GXYLT1: variants seen among roughly 807,000 people sequenced by gnomAD.
GXYLT1 encodes the protein glucoside xylosyltransferase 1.
Under a neutral mutation model 54.0 loss-of-function variants are expected in GXYLT1, and 29 were observed. The observed-to-expected ratio is 0.54, with a 90% CI of 0.40 to 0.73. GXYLT1 has a LOEUF of 0.73. Among genes scored for constraint, GXYLT1 ranks in the 30% least tolerant of loss-of-function variants. The pLI, the probability that GXYLT1 is intolerant of heterozygous loss-of-function variation, is 0.00. For synonymous variants in GXYLT1, 176 were observed against 204.1 expected (o/e 0.86, Z 1.17); for missense variants, 490 against 553.4 (o/e 0.89, Z 1.15).
chr12:42,103,963 A>C (rs1371393409), intron 5 of GXYLT1, among the ~76,000 whole-genome samples: 1 of 152,162 alleles, frequency 6.6e-6, no homozygotes, highest in African/African-American at 2.4e-5. Context: ...AAAACAGTAA[A>C]TCTGGCCAAG....
At chr12:42,103,985 A>G (rs1446199083) in intron 5 of GXYLT1, among the ~76,000 whole-genome samples, 1 of 152,204 alleles carries the variant, frequency 6.6e-6, no homozygotes, top group Admixed American at 6.5e-5. Flanking sequence ...GCAGTGGCTC[A>G]CGCCTATAAA....
chr12:42,108,106 A>C (rs1300059159), intron 4 of GXYLT1, among the ~76,000 whole-genome samples: 3 of 152,254 alleles, frequency 2.0e-5, no homozygotes, highest in African/African-American at 7.2e-5. Flanking sequence ...GTATGAGGTC[A>C]ATTTGACAGG....
At chr12:42,115,767 T>C (rs562330199) in intron 3 of GXYLT1, among the ~76,000 whole-genome samples, 1,700 of 151,972 alleles carry the variant, frequency 0.011, 30 homozygotes, top group African/African-American at 0.038. Flanking sequence ...CTTCACAGAA[T>C]TGGAAAAACT....
chr12:42,144,654 G>C lies in GXYLT1; in HGVS notation c.-8C>G. 7.3e-7 allele frequency: 1 copy of C among 1,360,634 alleles called. No individual in the cohort carries two copies. The highest frequency in any genetic ancestry group is 9.8e-7 in the Non-Finnish European group (1 of 1,024,852). The allele number at this position is 1,360,634 out of a possible 1,614,324, so 84.3% of individuals were successfully genotyped here. ...GCGCAGGTAGCGCCGCATCGCCCCG[G>C]CCGCGCTCCTCCTTCGCCGCCGCCG... On this transcript the variant is annotated 5_prime_UTR_variant, in exon 1 of 8. Coordinates refer to ENST00000398675, the MANE Select transcript of GXYLT1 (RefSeq NM_173601.2).
intron 1 of GXYLT1, among the ~76,000 whole-genome samples, chr12:42,137,065 GTTGTACTT>G (rs1477178511): frequency 6.6e-6 from 1 of 152,070 alleles, no homozygotes; most frequent in African/African-American, 2.4e-5. Context: ...ACCATGCCTG[GTTGTACTT>G]TTAAGTTAAA....
rs2065567244 is a variant in GXYLT1 at position 42,127,086 on chromosome 12, T to A, written c.314+2673A>T. On this transcript the variant is annotated intron_variant, in intron 2 of 7. Coordinates refer to ENST00000398675, the MANE Select transcript of GXYLT1 (RefSeq NM_173601.2). ...TCAAAGTTATACAAATAATTCAAGT[T>A]GGGAAAGTAAGGTACCCAACTAAGG... Among the ~76,000 whole-genome samples, 3 of 152,170 alleles carry A rather than the reference T, an allele frequency of 2.0e-5. No individual in the cohort carries two copies. The South Asian group carries it at 6.2e-4, about 32-fold the overall frequency.
At chr12:42,114,301 G>T (rs191071945) in intron 3 of GXYLT1, among the ~76,000 whole-genome samples, 1 of 152,136 alleles carries the variant, frequency 6.6e-6, no homozygotes, top group Non-Finnish European at 1.5e-5. Context: ...GAAGGAAACA[G>T]AGACACAAAA....
At chr12:42,123,842 A>G (rs2065545416) in intron 2 of GXYLT1, among the ~76,000 whole-genome samples, 1 of 152,060 alleles carries the variant, frequency 6.6e-6, no homozygotes, top group Admixed American at 6.6e-5. Flanking sequence ...CAGTTGAACA[A>G]AATGGAAAGC....
chr12:42,123,046 A>ATT (rs2065540778), intron 2 of GXYLT1, among the ~76,000 whole-genome samples: 1 of 152,160 alleles, frequency 6.6e-6, no homozygotes, highest in African/African-American at 2.4e-5. Flanking sequence ...AAAAACAAAA[A>ATT]TATCACAAAA....
intron 7 of GXYLT1, among the ~76,000 whole-genome samples, chr12:42,089,634 C>T (rs1188393084): frequency 1.3e-5 from 2 of 152,082 alleles, no homozygotes; most frequent in African/African-American, 4.8e-5. Flanking sequence ...GCCAGGATTC[C>T]GTCCCAACAG....
rs1023372703 is a variant in GXYLT1, at chr12:42,144,817, C to T, written c.-171G>A. 2.9e-4 allele frequency: 117 copies of T among 410,312 alleles called. No individual in the cohort carries two copies. The highest frequency in any genetic ancestry group is 6.7e-4 in the Middle Eastern group (1 of 1,502). The allele number at this position is 410,312 out of a possible 1,614,324, so 25.4% of individuals were successfully genotyped here. A position where few individuals can be genotyped will look rare whatever the true frequency, so the allele number is the denominator to read the frequency against. ...CCTCCCCGCCCACCACCTAGGCGAGCGCAGTCGCGGCTCCGGAGCCGAAGG... is the reference window on the plus strand; with the variant it reads ...CCTCCCCGCCCACCACCTAGGCGAGTGCAGTCGCGGCTCCGGAGCCGAAGG... On this transcript the variant is annotated 5_prime_UTR_variant, in exon 1 of 8. Coordinates refer to ENST00000398675, the MANE Select transcript of GXYLT1 (RefSeq NM_173601.2).
chr12:42,106,743 C>CTTTT (rs1231770611), intron 4 of GXYLT1, among the ~76,000 whole-genome samples: 26 of 127,626 alleles, frequency 2.0e-4, no homozygotes, highest in African/African-American at 5.3e-4. Flanking sequence ...TATTATTTTT[C>CTTTT]TTTTTTTTTT....
chr12:42,094,055 T>TAAA (rs34117278), intron 7 of GXYLT1, among the ~76,000 whole-genome samples: 2,867 of 142,792 alleles, frequency 0.02, 105 homozygotes, highest in African/African-American at 0.069. Context: ...ATTACAACTT[T>TAAA]AAAAAAAAAA....
intron 3 of GXYLT1, among the ~76,000 whole-genome samples, chr12:42,117,723 T>G (rs970340187): frequency 1.3e-5 from 2 of 152,230 alleles, no homozygotes; most frequent in African/African-American, 2.4e-5. Context: ...AGTTTTCTTT[T>G]TCTTATATGT....
rs1413197648 is a variant in GXYLT1, at chr12:42,084,918, CAG to C, written c.*2866_*2867del. 2.0e-5 allele frequency: 3 copies of C among 152,256 alleles called. No homozygotes were observed. The South Asian group carries it at 6.2e-4, about 31-fold the overall frequency. 9.4% of individuals were successfully genotyped at this position (152,256 alleles called of 1,614,324 possible). On this transcript the variant is annotated 3_prime_UTR_variant, in exon 8 of 8. Coordinates refer to ENST00000398675, the MANE Select transcript of GXYLT1 (RefSeq NM_173601.2). ...ATCCCACTTTGGTAATACTGTAGCC[CAG>C]AGATAGTTCTGAGGTCAGAATACAT...
At chr12:42,137,344 T>C (rs146956975) in intron 1 of GXYLT1, among the ~76,000 whole-genome samples, 658 of 151,730 alleles carry the variant, frequency 4.3e-3, no homozygotes, top group African/African-American at 0.015. Context: ...CTGTCTCTAC[T>C]AAAAACACAA....
At chr12:42,113,614 G>A (rs796524096) in intron 3 of GXYLT1, among the ~76,000 whole-genome samples, 4 of 150,808 alleles carry the variant, frequency 2.7e-5, no homozygotes, top group Non-Finnish European at 5.9e-5. Flanking sequence ...CAATACAGGA[G>A]CACCCAGATT....
At chr12:42,132,428 G>C (rs1166090598) in intron 1 of GXYLT1, among the ~76,000 whole-genome samples, 1 of 152,152 alleles carries the variant, frequency 6.6e-6, no homozygotes, top group East Asian at 1.9e-4. Context: ...TTGAAAATTT[G>C]TGTTTCTACG....
At chr12:42,115,936 A>C (rs564643737) in intron 3 of GXYLT1, among the ~76,000 whole-genome samples, 3 of 130,064 alleles carry the variant, frequency 2.3e-5, no homozygotes, top group African/African-American at 5.4e-5. Context: ...ACAGAGATAT[A>C]GACCAATGGA....
Sources: gnomAD v4.1 joint callset for allele counts (sites outside exome capture counted in the v4.1 genomes callset) on GRCh38, gnomAD v4.1.1 for gene constraint, MANE v1.5 for transcripts, NCBI Gene and HGNC (gene_info 2026-07-23, HGNC 2026-07-21) for gene names.